RDX: variants seen among roughly 807,000 people sequenced by gnomAD.
RDX encodes radixin.
Under a neutral mutation model 83.7 loss-of-function variants are expected in RDX, and 32 were observed. That is an observed-to-expected ratio of 0.38 (90% CI 0.29 to 0.51). The LOEUF is 0.51. Among genes scored for constraint, RDX ranks in the 20% least tolerant of loss-of-function variants. The pLI, the probability that RDX is intolerant of heterozygous loss-of-function variation, is 0.87. For missense variants in RDX, 600 were observed against 689.9 expected (o/e 0.87, Z 1.46); for synonymous variants, 229 against 222.7 (o/e 1.03, Z -0.25).
At chr11:110,258,595 C>T (rs1323941623) in intron 5 of RDX, among the ~76,000 whole-genome samples, 2 of 152,008 alleles carry the variant, frequency 1.3e-5, no homozygotes, top group Non-Finnish European at 2.9e-5. Flanking sequence ...ACAAAGATAG[C>T]TTATAGGAAC....
At chr11:110,176,942 G>C (rs143852991) in intron 15 of RDX, among the ~76,000 whole-genome samples, 1 of 152,136 alleles carries the variant, frequency 6.6e-6, no homozygotes, top group South Asian at 2.1e-4. Flanking sequence ...TCGCACAGTC[G>C]GCTGGCCTGC....
intron 9 of RDX, among the ~76,000 whole-genome samples, chr11:110,249,313 T>C (rs1591150099): frequency 6.6e-6 from 1 of 152,214 alleles, no homozygotes; most frequent in South Asian, 2.1e-4. Context: ...CAAAACCCTG[T>C]AGTTTCTCAA....
chr11:110,187,484 G>T (rs1018511638), intron 15 of RDX, among the ~76,000 whole-genome samples: 9 of 152,138 alleles, frequency 5.9e-5, no homozygotes. Context: ...TCATGGTGCA[G>T]GGGGCCATTT....
chr11:110,284,529 T>A (rs529433857), intron 1 of RDX, among the ~76,000 whole-genome samples: 41 of 147,696 alleles, frequency 2.8e-4, no homozygotes, highest in Middle Eastern at 3.5e-3. Context: ...TATTATTATT[T>A]TTTTTTTTTT....
chr11:110,196,392 G>A (rs1384229158), intron 15 of RDX, among the ~76,000 whole-genome samples: 1 of 152,056 alleles, frequency 6.6e-6, no homozygotes, highest in Non-Finnish European at 1.5e-5. Context: ...AAATAAAGGT[G>A]CGTCCACAAA....
chr11:110,210,177 A>G (rs1863779193), intron 14 of RDX, among the ~76,000 whole-genome samples: 1 of 126,116 alleles, frequency 7.9e-6, no homozygotes, highest in Admixed American at 7.7e-5. Flanking sequence ...AGGCTCGAGA[A>G]CTACGTGAAG....
chr11:110,290,826 A>G (rs889817187), intron 1 of RDX, among the ~76,000 whole-genome samples: 4 of 120,392 alleles, frequency 3.3e-5, no homozygotes, highest in Non-Finnish European at 7.1e-5. Flanking sequence ...GTGTTCAAAT[A>G]AAACTTTATA....
intron 1 of RDX, among the ~76,000 whole-genome samples, chr11:110,292,470 CA>C (rs968656403): frequency 4.0e-4 from 59 of 148,348 alleles, no homozygotes; most frequent in African/African-American, 1.1e-3. Context: ...ACTCTGTTTT[CA>C]AAAAAAAATG....
chr11:110,223,904 C>T (rs986012406), intron 14 of RDX, among the ~76,000 whole-genome samples: 1 of 151,996 alleles, frequency 6.6e-6, no homozygotes, highest in Non-Finnish European at 1.5e-5. Context: ...GAAACCCCAT[C>T]TCTACTAATA....
At chr11:110,177,779 C>T (rs940873317) in intron 15 of RDX, among the ~76,000 whole-genome samples, 5 of 152,012 alleles carry the variant, frequency 3.3e-5, no homozygotes, top group African/African-American at 7.2e-5. Context: ...ACACCGCATC[C>T]GGCCTGGGAG....
At chr11:110,228,743 T>C (rs1565302755), downstream of RDX, among the ~76,000 whole-genome samples, 2 of 151,892 alleles carry the variant, frequency 1.3e-5, no homozygotes, top group Admixed American at 6.6e-5. Flanking sequence ...CTTCTAATGA[T>C]AAGAGTGACT....
At chr11:110,252,715 C>T (rs766271283) in intron 9 of RDX, among the ~76,000 whole-genome samples, 7 of 152,192 alleles carry the variant, frequency 4.6e-5, no homozygotes, top group Non-Finnish European at 1.0e-4. Flanking sequence ...CAATGTAATG[C>T]TACAGCACAT....
At chr11:110,243,522 G>GCCAACAAGTATATAAC (rs1054935042) in intron 10 of RDX, among the ~76,000 whole-genome samples, 1 of 152,116 alleles carries the variant, frequency 6.6e-6, no homozygotes, top group African/African-American at 2.4e-5. Flanking sequence ...TTGGAGACCA[G>GCCAACAAGTATATAAC]CCTGGCCAAC....
intron 2 of RDX, chr11:110,272,865 T>TA (rs767138888): frequency 1.2e-4 from 65 of 523,158 alleles, no homozygotes; most frequent in South Asian, 1.1e-3. Flanking sequence ...TACTAGGAGA[T>TA]ACTACCTTTA....
intron 8 of RDX, among the ~76,000 whole-genome samples, chr11:110,254,460 GT>G (rs570132914): frequency 1.3e-5 from 2 of 151,150 alleles, no homozygotes; most frequent in African/African-American, 2.4e-5. Flanking sequence ...TGGCTGTAGA[GT>G]TTTTTTTAAC....
intron 14 of RDX, among the ~76,000 whole-genome samples, chr11:110,223,895 A>C (rs866400765): frequency 2.0e-5 from 3 of 152,100 alleles, no homozygotes; most frequent in African/African-American, 7.2e-5. Context: ...GAGAATGGAG[A>C]AACCCCATCT....
chr11:110,225,731 A>G (rs377644799), downstream of RDX, among the ~76,000 whole-genome samples: 13 of 152,250 alleles, frequency 8.5e-5, no homozygotes, highest in East Asian at 2.5e-3. Context: ...GCTGTGGAAA[A>G]TATTACGACA....
intron 14 of RDX, among the ~76,000 whole-genome samples, chr11:110,217,037 C>T (rs931311775): frequency 2.0e-5 from 3 of 152,188 alleles, no homozygotes; most frequent in Non-Finnish European, 4.4e-5. Flanking sequence ...GAGACACAGT[C>T]CCCATCAGGC....
chr11:110,212,157 C>A (rs1361309715), intron 14 of RDX, among the ~76,000 whole-genome samples: 2 of 149,826 alleles, frequency 1.3e-5, no homozygotes, highest in African/African-American at 4.9e-5. Context: ...GGGGATATCA[C>A]CACCGATCCC....
Sources: allele counts gnomAD v4.1 joint callset (sites outside exome capture counted in the v4.1 genomes callset), GRCh38; gene constraint gnomAD v4.1.1; transcripts MANE v1.5; gene names NCBI Gene and HGNC (gene_info 2026-07-23, HGNC 2026-07-21).